Variants in CARM1 observed in about 807,000 individuals in gnomAD.
CARM1 encodes the protein coactivator associated arginine methyltransferase 1.
In CARM1, 14 loss-of-function variants were observed where a neutral mutation model predicts 72.7. That is an observed-to-expected ratio of 0.19 (90% CI 0.13 to 0.30). CARM1 has a LOEUF of 0.30. Ranked by LOEUF, CARM1 falls within the 10% of genes least tolerant of loss-of-function variation. CARM1 has a pLI of 1.00. For synonymous variants in CARM1, 333 were observed against 345.5 expected, an observed-to-expected ratio of 0.96 and a Z score of 0.40; for missense variants, 432 against 833.7, an observed-to-expected ratio of 0.52 and a Z score of 5.93.
Position 10,912,791 on chromosome 19 carries a change from C to T in CARM1, c.669+497C>T, listed in dbSNP as rs890516538. On this transcript the variant is annotated intron_variant, in intron 5 of 15. Coordinates refer to ENST00000327064, the MANE Select transcript of CARM1 (RefSeq NM_199141.2). This position sits in a 1 kb window ranked among gnomAD's most constrained non-coding sequence, Gnocchi z 4.5. ...GGCCATCTTTGTTCTGTCTTGCCGC[C>T]GCAGAGCACCCCTGTGCCCAGCCGT... 3.3e-5 allele frequency among the ~76,000 whole-genome samples: 5 copies of T among 152,190 alleles called. No individual in the cohort carries two copies. Among genetic ancestry groups the T allele is most frequent in the East Asian group, 1.9e-4 (1 of 5,170 alleles).
In CARM1 at chr19:10,874,682, G is replaced by A. The variant is rs7255911; in HGVS notation, c.220+2760G>A. On this transcript the variant is annotated intron_variant, in intron 1 of 15. Transcript: ENST00000327064. ...CCTGGAATTACAGGCATGAGCCACC[G>A]CACCGCCCTCTTTATCCTTAAGTAA... is the stretch of plus-strand genomic sequence containing the variant. 3.0e-3 allele frequency among the ~76,000 whole-genome samples: 450 copies of A among 152,180 alleles called. 5 individuals are homozygous for A. Among genetic ancestry groups the A allele is most frequent in the African/African-American group, 0.01 (428 of 41,536 alleles).
At chr19:10,874,552 G>C (rs908334694) in intron 1 of CARM1, among the ~76,000 whole-genome samples, 3 of 151,632 alleles carry the variant, frequency 2.0e-5, no homozygotes, top group Non-Finnish European at 4.4e-5. Context: ...GCCACACCCA[G>C]CTAATCTTTC....
At chr19:10,872,433 A>G (rs1036454991) in intron 1 of CARM1, among the ~76,000 whole-genome samples, 1 of 152,048 alleles carries the variant, frequency 6.6e-6, no homozygotes, top group Non-Finnish European at 1.5e-5. Context: ...GCCCGCGAGT[A>G]CCGAGTTCCA....
intron 1 of CARM1, among the ~76,000 whole-genome samples, chr19:10,890,590 T>C (rs1333759442): frequency 1.3e-5 from 2 of 151,228 alleles, no homozygotes. Flanking sequence ...TAGTTTTGTG[T>C]GGTGGTACAT....
Position 10,920,376 on chromosome 19 carries a change from GGTGGTGGCTCCA to G in CARM1, c.1197-51_1197-40del. The G allele has an allele frequency of 6.4e-7, 1 of 1,569,916 alleles. No homozygotes were observed. Among genetic ancestry groups the G allele is most frequent in the Non-Finnish European group, 8.7e-7 (1 of 1,152,754 alleles). ...CTTGGGGAGGACTCAAGGCATACAA[GGTGGTGGCTCCA>G]GTGGTGGCGCCGGCCCAGTCAAGTA... is the stretch of plus-strand genomic sequence containing the variant. On this transcript the variant is annotated intron_variant, in intron 10 of 15. Coordinates refer to ENST00000327064, the MANE Select transcript of CARM1 (RefSeq NM_199141.2). This position sits in a 1 kb window ranked among gnomAD's most constrained non-coding sequence, Gnocchi z 5.3.
chr19:10,909,513 G>T (rs1424209509), intron 4 of CARM1, among the ~76,000 whole-genome samples: 1 of 151,678 alleles, frequency 6.6e-6, no homozygotes, highest in Non-Finnish European at 1.5e-5. Flanking sequence ...AGGCGGGCGG[G>T]TCACAAGGTC....
intron 1 of CARM1, among the ~76,000 whole-genome samples, chr19:10,887,285 G>A (rs756023191): frequency 7.9e-5 from 12 of 152,292 alleles, no homozygotes; most frequent in African/African-American, 2.6e-4. Context: ...TGGCCATAGC[G>A]ACCTCTTCCA....
chr19:10,910,439 C>G (rs879863090), intron 4 of CARM1, among the ~76,000 whole-genome samples: 3 of 150,236 alleles, frequency 2.0e-5, no homozygotes, highest in Non-Finnish European at 4.4e-5. Flanking sequence ...CGAGATTGTG[C>G]CACTGCACTC....
Position 10,902,290 on chromosome 19 carries a change from C to CTTT in CARM1, c.221-2642_221-2640dup, listed in dbSNP as rs869120010. Reference sequence around the variant, plus strand: ...AATAGATACAAAATAATTGTTGTTTCTTTTTTTTTTTTTTTTTTTTTGAGA... The same window carrying CTTT: ...AATAGATACAAAATAATTGTTGTTTCTTTTTTTTTTTTTTTTTTTTTTTTGAGA... On this transcript the variant is annotated intron_variant, in intron 1 of 15. Coordinates refer to ENST00000327064, the MANE Select transcript of CARM1 (RefSeq NM_199141.2). 3.5e-4 allele frequency among the ~76,000 whole-genome samples: 40 copies of CTTT among 114,748 alleles called. 1 individual carries two copies. The highest frequency in any genetic ancestry group is 8.8e-4 in the East Asian group (3 of 3,392). The allele number at this position is 114,748 out of a possible 152,430, so 75.3% of individuals were successfully genotyped here.
intron 1 of CARM1, among the ~76,000 whole-genome samples, chr19:10,878,998 G>T (rs916216187): frequency 1.1e-4 from 17 of 152,052 alleles, no homozygotes; most frequent in African/African-American, 3.9e-4. Flanking sequence ...GTAGAGACGG[G>T]GTATCGCCAC....
At chr19:10,894,137 G>A (rs1176250416) in intron 1 of CARM1, among the ~76,000 whole-genome samples, 1 of 152,192 alleles carries the variant, frequency 6.6e-6, no homozygotes, top group Non-Finnish European at 1.5e-5. Context: ...AATTGGGCCT[G>A]GTCCGCATGC....
intron 1 of CARM1, among the ~76,000 whole-genome samples, chr19:10,880,409 G>A (rs1246390356): frequency 6.6e-6 from 1 of 151,922 alleles, no homozygotes; most frequent in Non-Finnish European, 1.5e-5. Flanking sequence ...GCAGTGACAC[G>A]ATCATAGCTC....
chr19:10,872,441 C>T (rs1248972810), intron 1 of CARM1, among the ~76,000 whole-genome samples: 2 of 152,100 alleles, frequency 1.3e-5, no homozygotes, highest in Non-Finnish European at 2.9e-5. Context: ...GTACCGAGTT[C>T]CACCGCTGTG....
chr19:10,914,150 G>A lies in CARM1; in HGVS notation c.847+96G>A, dbSNP rs1028934429. On this transcript the variant is annotated intron_variant, in intron 6 of 15. Transcript: ENST00000327064. ...GTGCTTCAGCTCCCTGCTTACTGTCGGTGGCCCGGGGTGTAGGGAAGCCTG... is the reference window on the plus strand; with the variant it reads ...GTGCTTCAGCTCCCTGCTTACTGTCAGTGGCCCGGGGTGTAGGGAAGCCTG... The A allele has an allele frequency of 1.8e-5, 22 of 1,210,930 alleles. No individual in the cohort carries two copies. The African/African-American group carries it at 1.9e-4, about 10-fold the overall frequency. 75.0% of individuals were successfully genotyped at this position (1,210,930 alleles called of 1,614,324 possible).
At chr19:10,879,937 G>C (rs2073889425) in intron 1 of CARM1, among the ~76,000 whole-genome samples, 1 of 152,160 alleles carries the variant, frequency 6.6e-6, no homozygotes, top group Non-Finnish European at 1.5e-5. Context: ...TTAATGGAAG[G>C]TGTCCAGTGC....
At chr19:10,879,311 T>C (rs1260530814) in intron 1 of CARM1, among the ~76,000 whole-genome samples, 3 of 152,186 alleles carry the variant, frequency 2.0e-5, no homozygotes, top group Non-Finnish European at 4.4e-5. Context: ...TAGAATGTAG[T>C]CACATGATCA....
intron 1 of CARM1, among the ~76,000 whole-genome samples, chr19:10,879,239 G>A (rs1025706439): frequency 6.6e-6 from 1 of 152,200 alleles, no homozygotes; most frequent in African/African-American, 2.4e-5. Context: ...TCACATCCAG[G>A]TGTTTGTTAA....
chr19:10,879,616 T>G (rs2073887227), intron 1 of CARM1, among the ~76,000 whole-genome samples: 2 of 152,002 alleles, frequency 1.3e-5, no homozygotes, highest in Non-Finnish European at 2.9e-5. Context: ...ATCGAGGATT[T>G]TTTTGGTTTT....
intron 1 of CARM1, among the ~76,000 whole-genome samples, chr19:10,900,678 GT>G (rs1156229546): frequency 6.6e-6 from 1 of 151,844 alleles, no homozygotes; most frequent in African/African-American, 2.4e-5. Context: ...TTTTTGCTTT[GT>G]TTTGTTTTTA....
Sources: gnomAD v4.1 joint callset for allele counts (sites outside exome capture counted in the v4.1 genomes callset) on GRCh38, gnomAD v4.1.1 for gene constraint, Gnocchi (gnomAD v3.1) non-coding constraint, MANE v1.5 for transcripts, NCBI Gene and HGNC (gene_info 2026-07-23, HGNC 2026-07-21) for gene names.